Variants in NPFFR2 observed in about 807,000 individuals in gnomAD.
NPFFR2 encodes the protein neuropeptide FF receptor 2.
Under a neutral mutation model 13.1 loss-of-function variants are expected in NPFFR2, and 15 were observed. The observed-to-expected ratio is 1.15, with a 90% CI of 0.77 to 1.76. NPFFR2 has a LOEUF of 1.76. Ranked by LOEUF, NPFFR2 falls within the 40% of genes most tolerant of loss-of-function variation. The pLI, the probability that NPFFR2 is intolerant of heterozygous loss-of-function variation, is 0.00. For missense variants in NPFFR2, 572 were observed against 503.5 expected, an observed-to-expected ratio of 1.14 and a Z score of -1.30; for synonymous variants, 190 against 175.7, an observed-to-expected ratio of 1.08 and a Z score of -0.65.
At chr4:72,129,914 T>C (rs1722181424) in intron 2 of NPFFR2, among the ~76,000 whole-genome samples, 1 of 89,928 alleles carries the variant, frequency 1.1e-5, no homozygotes, top group Non-Finnish European at 2.2e-5. Flanking sequence ...TTTGTGTCCC[T>C]GGGTACTTGA....
chr4:72,053,867 C>A (rs1018349108), intron 1 of NPFFR2, among the ~76,000 whole-genome samples: 5 of 151,984 alleles, frequency 3.3e-5, no homozygotes, highest in African/African-American at 1.2e-4. Context: ...GCACAGTATT[C>A]AATCATTTTA....
intron 1 of NPFFR2, among the ~76,000 whole-genome samples, chr4:72,102,430 G>A (rs1185305165): frequency 1.3e-5 from 2 of 151,878 alleles, no homozygotes; most frequent in Non-Finnish European, 2.9e-5. Context: ...ACAACATGCA[G>A]GTTTGTTACA....
chr4:72,099,929 G>A (rs1401109097), intron 1 of NPFFR2, among the ~76,000 whole-genome samples: 1 of 152,008 alleles, frequency 6.6e-6, no homozygotes, highest in African/African-American at 2.4e-5. Flanking sequence ...AATATCAGTG[G>A]TCTTGGCATT....
intron 3 of NPFFR2, among the ~76,000 whole-genome samples, chr4:72,139,727 T>C (rs1445918257): frequency 6.6e-6 from 1 of 152,198 alleles, no homozygotes; most frequent in Non-Finnish European, 1.5e-5. Flanking sequence ...CTTAGGATTA[T>C]CTTGGCAATG....
intron 1 of NPFFR2, among the ~76,000 whole-genome samples, chr4:72,112,836 CT>C (rs779012612): frequency 6.6e-6 from 1 of 151,890 alleles, no homozygotes; most frequent in Non-Finnish European, 1.5e-5. Context: ...GAATTTACCC[CT>C]CTCAGGAGAG....
chr4:72,111,514 T>A (rs1721565676), intron 1 of NPFFR2, among the ~76,000 whole-genome samples: 1 of 152,014 alleles, frequency 6.6e-6, no homozygotes, highest in Non-Finnish European at 1.5e-5. Flanking sequence ...CTTCAGGGAC[T>A]GGCCAGACAG....
At chr4:72,062,148 A>G (rs2109775579) in intron 1 of NPFFR2, among the ~76,000 whole-genome samples, 1 of 151,824 alleles carries the variant, frequency 6.6e-6, no homozygotes, top group Non-Finnish European at 1.5e-5. Context: ...GGTTTACGTT[A>G]TGTTTGAGGC....
chr4:72,120,090 G>C (rs185930678), intron 1 of NPFFR2, among the ~76,000 whole-genome samples: 10 of 152,130 alleles, frequency 6.6e-5, no homozygotes, highest in South Asian at 2.1e-4. Context: ...CCAGCTTAGT[G>C]GGGGGAGGGA....
Position 72,138,155 on chromosome 4 carries a change from A to C in NPFFR2, c.428+16A>C. 6.3e-7 allele frequency: 1 copy of C among 1,585,804 alleles called. No individual in the cohort carries two copies. Among genetic ancestry groups the C allele is most frequent in the South Asian group, 1.1e-5 (1 of 89,200 alleles). On this transcript the variant is annotated intron_variant, in intron 3 of 3. Transcript: ENST00000308744. ...CTGTAGATAGGTAAGTCTGCACCAA[A>C]CTCTGAATCCAGAAAAATTGGCATG...
At chr4:72,049,850 A>G (rs11722579) in intron 1 of NPFFR2, among the ~76,000 whole-genome samples, 135,241 of 151,984 alleles carry the variant, frequency 0.89, 61,319 homozygotes, top group Non-Finnish European at 0.98. Flanking sequence ...TTTTGTTCCT[A>G]GCTCTTGAAA....
intron 1 of NPFFR2, among the ~76,000 whole-genome samples, chr4:72,122,348 A>T (rs2109828773): frequency 6.6e-6 from 1 of 152,262 alleles, no homozygotes; most frequent in South Asian, 2.1e-4. Flanking sequence ...GACTGATGAG[A>T]CAGAAGTTAA....
intron 1 of NPFFR2, among the ~76,000 whole-genome samples, chr4:72,044,427 G>A (rs1719320423): frequency 6.6e-6 from 1 of 152,164 alleles, no homozygotes; most frequent in African/African-American, 2.4e-5. Flanking sequence ...TGGTTTGCCA[G>A]TTATCCCAGC....
At chr4:72,099,091 T>G (rs548355839) in intron 1 of NPFFR2, among the ~76,000 whole-genome samples, 1 of 152,304 alleles carries the variant, frequency 6.6e-6, no homozygotes, top group African/African-American at 2.4e-5. Context: ...TACTTCAACT[T>G]ATTTCTTATC....
intron 1 of NPFFR2, among the ~76,000 whole-genome samples, chr4:72,037,429 A>T (rs1443551751): frequency 6.8e-6 from 1 of 147,292 alleles, no homozygotes; most frequent in Non-Finnish European, 1.5e-5. Flanking sequence ...AAAGGACCTC[A>T]TTTAAAGTCT....
At position 72,033,345 on chromosome 4, in the gene NPFFR2, C is replaced by T. The variant is rs113527993; in HGVS notation, c.-8+1145C>T. On this transcript the variant is annotated intron_variant, in intron 1 of 3. Coordinates refer to ENST00000308744, the MANE Select transcript of NPFFR2 (RefSeq NM_004885.3). ...TCATCTGTTAAAAACTTCTATAGAT[C>T]GATCATTTAATAAAACAGTGATGCA... 5.2e-3 allele frequency among the ~76,000 whole-genome samples: 787 copies of T among 152,116 alleles called. 3 individuals carry two copies. The highest frequency in any genetic ancestry group is 0.018 in the African/African-American group (751 of 41,496).
At chr4:72,141,021 T>C (rs1330149571) in intron 3 of NPFFR2, among the ~76,000 whole-genome samples, 2 of 152,210 alleles carry the variant, frequency 1.3e-5, no homozygotes, top group Admixed American at 1.3e-4. Flanking sequence ...TATCCATTTC[T>C]TTTAGATTTT....
At chr4:72,144,047 T>C (rs1208666982) in intron 3 of NPFFR2, among the ~76,000 whole-genome samples, 1 of 152,134 alleles carries the variant, frequency 6.6e-6, no homozygotes, top group Non-Finnish European at 1.5e-5. Flanking sequence ...ACAGCAATAT[T>C]TATTATGTCA....
intron 1 of NPFFR2, among the ~76,000 whole-genome samples, chr4:72,107,479 ACTTAGCAT>A (rs1560413313): frequency 6.6e-6 from 1 of 151,728 alleles, no homozygotes; most frequent in Non-Finnish European, 1.5e-5. Flanking sequence ...GGGTCAGGTT[ACTTAGCAT>A]CTTCCTATCT....
intron 1 of NPFFR2, among the ~76,000 whole-genome samples, chr4:72,079,087 C>CACACACAT (rs1553890218): frequency 0.02 from 2,834 of 143,266 alleles, 110 homozygotes; most frequent in African/African-American, 0.065. Context: ...CACACACACA[C>CACACACAT]ATCTGTTGAA....
Sources: allele counts gnomAD v4.1 joint callset (sites outside exome capture counted in the v4.1 genomes callset), GRCh38; gene constraint gnomAD v4.1.1; transcripts MANE v1.5; gene names NCBI Gene and HGNC (gene_info 2026-07-23, HGNC 2026-07-21).